CDC14A: variants seen among roughly 807,000 people sequenced by gnomAD.
CDC14A encodes dual specificity protein phosphatase CDC14A.
A neutral mutation model predicts 74.4 loss-of-function variants in CDC14A; 53 were observed. The ratio of observed to expected loss-of-function variants is 0.71; its 90% CI spans 0.57 to 0.89. The LOEUF (loss-of-function observed/expected upper bound fraction) is 0.89. Ranked by LOEUF, CDC14A falls within the 40% of genes least tolerant of loss-of-function variation. The pLI, the probability that CDC14A is intolerant of heterozygous loss-of-function variation, is 0.00. For missense variants in CDC14A, 646 were observed against 713.7 expected (o/e 0.91, Z 1.08); for synonymous variants, 247 against 258.4 (o/e 0.96, Z 0.43).
chr1:100,462,405 T>G, intron 8 of CDC14A: 1 of 461,538 alleles, frequency 2.2e-6, no homozygotes, highest in Non-Finnish European at 4.0e-6. Context: ...AATCTAGAGG[T>G]TGAGATTTTG....
chr1:100,495,545 A>AT (rs1265674488), intron 12 of CDC14A, among the ~76,000 whole-genome samples: 1 of 152,214 alleles, frequency 6.6e-6, no homozygotes, highest in Non-Finnish European at 1.5e-5. Flanking sequence ...AAATATCATC[A>AT]TTTTTTAAAA....
intron 10 of CDC14A, among the ~76,000 whole-genome samples, chr1:100,468,387 C>T (rs1045089295): frequency 5.3e-5 from 8 of 152,090 alleles, no homozygotes; most frequent in African/African-American, 1.7e-4. Flanking sequence ...TTTCTTATGA[C>T]ATCCCACTTG....
At chr1:100,388,364 G>A (rs950537036) in intron 3 of CDC14A, among the ~76,000 whole-genome samples, 2 of 152,168 alleles carry the variant, frequency 1.3e-5, no homozygotes, top group African/African-American at 4.8e-5. Context: ...AACAGAAAAA[G>A]GCAATGTTCA....
chr1:100,375,741 G>A (rs145584004), intron 2 of CDC14A, among the ~76,000 whole-genome samples: 2,316 of 152,248 alleles, frequency 0.015, 60 homozygotes, highest in African/African-American at 0.053. Context: ...ACAGTGTGGC[G>A]ATTCCTCAAG....
rs1009355738 is a variant in CDC14A, at chr1:100,468,188, A to G, written c.977+94A>G. The G allele has an allele frequency of 3.6e-6, 5 of 1,404,314 alleles. No homozygotes were observed. The South Asian group carries it at 6.1e-5, about 17-fold the overall frequency. 87.0% of individuals were successfully genotyped at this position (1,404,314 alleles called of 1,614,324 possible). ...TTGTGGACCATGTCAGCCTGTGGTT[A>G]TAAAATGGCTGCATTGTTAAGAGAA... On this transcript the variant is annotated intron_variant, in intron 10 of 15. Coordinates refer to ENST00000336454, the MANE Select transcript of CDC14A (RefSeq NM_003672.4).
chr1:100,354,663 T>G (rs1047362204), intron 2 of CDC14A, among the ~76,000 whole-genome samples: 1 of 152,258 alleles, frequency 6.6e-6, no homozygotes, highest in African/African-American at 2.4e-5. Flanking sequence ...GAAGGCTGAA[T>G]TGACTTGGTT....
intron 10 of CDC14A, among the ~76,000 whole-genome samples, chr1:100,474,981 T>A (rs1400779483): frequency 1.3e-5 from 2 of 152,190 alleles, no homozygotes; most frequent in African/African-American, 4.8e-5. Flanking sequence ...AGCTATTATT[T>A]ACTTAAGTGC....
chr1:100,436,583 C>T (rs1664369173), intron 5 of CDC14A, among the ~76,000 whole-genome samples: 1 of 152,000 alleles, frequency 6.6e-6, no homozygotes, highest in African/African-American at 2.4e-5. Flanking sequence ...TGCCACCATG[C>T]CTGGCTAATT....
chr1:100,387,806 T>G (rs1326056709), intron 3 of CDC14A, among the ~76,000 whole-genome samples: 8 of 152,148 alleles, frequency 5.3e-5, no homozygotes. Flanking sequence ...TTCTATATAC[T>G]TTAGAATGCG....
At chr1:100,469,141 A>G (rs72974084) in intron 10 of CDC14A, among the ~76,000 whole-genome samples, 2 of 152,072 alleles carry the variant, frequency 1.3e-5, no homozygotes, top group Non-Finnish European at 2.9e-5. Flanking sequence ...TCCAGTTTTA[A>G]TGATCATGAT....
chr1:100,361,686 G>A (rs1652767914), intron 2 of CDC14A, among the ~76,000 whole-genome samples: 1 of 152,206 alleles, frequency 6.6e-6, no homozygotes, highest in Non-Finnish European at 1.5e-5. Flanking sequence ...TTCTGTTAGA[G>A]GAGGTGTAAT....
At chr1:100,401,694 C>T (rs112492847) in intron 4 of CDC14A, among the ~76,000 whole-genome samples, 1 of 152,236 alleles carries the variant, frequency 6.6e-6, no homozygotes, top group African/African-American at 2.4e-5. Context: ...TAAGTGTCAA[C>T]GATTTTTTTA....
intron 4 of CDC14A, among the ~76,000 whole-genome samples, chr1:100,416,572 A>G (rs1448173756): frequency 6.6e-6 from 1 of 152,188 alleles, no homozygotes; most frequent in Non-Finnish European, 1.5e-5. Context: ...AGGGACATTT[A>G]CAACCTCATA....
chr1:100,348,281 C>CAA (rs59269474), upstream of CDC14A, among the ~76,000 whole-genome samples: 557 of 87,160 alleles, frequency 6.4e-3, 5 homozygotes, highest in African/African-American at 0.021. Context: ...GACTCCATTT[C>CAA]AAAAAAAAAA....
chr1:100,504,758 T>C, intron 15 of CDC14A: 4 of 1,323,776 alleles, frequency 3.0e-6, no homozygotes, highest in Non-Finnish European at 4.2e-6. Flanking sequence ...TTCTGTAGTA[T>C]TGTATCTTTG....
chr1:100,354,604 AAG>A (rs1209652151), intron 2 of CDC14A, among the ~76,000 whole-genome samples: 1 of 152,254 alleles, frequency 6.6e-6, no homozygotes, highest in African/African-American at 2.4e-5. Context: ...ACATTAATTG[AAG>A]AGAGATAAAT....
chr1:100,459,126 C>CACACACACACACACACACACACACACAG (rs1279905046), intron 8 of CDC14A, among the ~76,000 whole-genome samples: 29 of 144,672 alleles, frequency 2.0e-4, no homozygotes, highest in African/African-American at 6.7e-4. Flanking sequence ...CACACACACA[C>CACACACACACACACACACACACACACAG]AGAGAGAGAG....
At chr1:100,404,084 C>T (rs1659615667) in intron 4 of CDC14A, among the ~76,000 whole-genome samples, 1 of 150,204 alleles carries the variant, frequency 6.7e-6, no homozygotes, top group South Asian at 2.1e-4. Flanking sequence ...AACCCCTCTT[C>T]ATGAGCACTT....
At chr1:100,354,188 T>A (rs1458630919) in intron 2 of CDC14A, among the ~76,000 whole-genome samples, 4 of 152,188 alleles carry the variant, frequency 2.6e-5, no homozygotes, top group African/African-American at 9.7e-5. Context: ...AATCAGTCAC[T>A]AAGTATTTAT....
Sources: allele counts gnomAD v4.1 joint callset (sites outside exome capture counted in the v4.1 genomes callset), GRCh38; gene constraint gnomAD v4.1.1; transcripts MANE v1.5; gene names NCBI Gene and HGNC (gene_info 2026-07-23, HGNC 2026-07-21).